Variants in ASNS observed in about 807,000 individuals in gnomAD.
ASNS encodes the protein asparagine synthetase (glutamine-hydrolyzing), also known as asparagine synthetase [glutamine-hydrolyzing].
ASNS carries 37 observed loss-of-function variants against 62.6 expected under a neutral mutation model. That is an observed-to-expected ratio of 0.59 (90% CI 0.45 to 0.78). The LOEUF is 0.78. Ranked by LOEUF, ASNS falls within the 30% of genes least tolerant of loss-of-function variation. ASNS has a pLI of 0.00. For missense variants in ASNS, 520 were observed against 682.4 expected, an observed-to-expected ratio of 0.76 and a Z score of 2.65; for synonymous variants, 207 against 237.9, an observed-to-expected ratio of 0.87 and a Z score of 1.19.
At chr7:97,870,229 T>C in intron 1 of ASNS, 1 of 932,490 alleles carries the variant, frequency 1.1e-6, no homozygotes, top group Non-Finnish European at 1.5e-6. Context: ...GTCTGAGTGC[T>C]ACGAAGATTG....
chr7:97,889,927 C>CAAAAAAA, the ASNS span, among the ~76,000 whole-genome samples: 27 of 38,568 alleles, frequency 7.0e-4, no homozygotes, highest in South Asian at 1.6e-3. Context: ...ATAATGAATA[C>CAAAAAAA]AAAAAAAAAA....
chr7:97,858,264 A>C lies in ASNS; in HGVS notation c.903+14T>G, dbSNP rs1333559909. On this transcript the variant is annotated intron_variant, in intron 7 of 12. Coordinates refer to ENST00000394308, the MANE Select transcript of ASNS (RefSeq NM_001673.5). ...TCTAACTACACTACACAAGGGACAGAGACAGCACCTTACCTTTCTAGCAGC... is the reference window on the plus strand; with the variant it reads ...TCTAACTACACTACACAAGGGACAGCGACAGCACCTTACCTTTCTAGCAGC... 1.2e-6 allele frequency: 2 copies of C among 1,612,314 alleles called. No individual in the cohort carries two copies. The highest frequency in any genetic ancestry group is 1.1e-5 in the South Asian group (1 of 90,976).
chr7:97,920,585 G>A, the ASNS span, among the ~76,000 whole-genome samples: 5 of 152,224 alleles, frequency 3.3e-5, no homozygotes, highest in Non-Finnish European at 5.9e-5. Context: ...TCCAGCTGGG[G>A]CCAAATAGAA....
chr7:97,853,674 A>G (rs1426383166), intron 10 of ASNS, among the ~76,000 whole-genome samples: 1 of 152,232 alleles, frequency 6.6e-6, no homozygotes, highest in Non-Finnish European at 1.5e-5. Context: ...CAAAAAGCAG[A>G]AAAAGTTACA....
chr7:97,911,718 C>T, the ASNS span, among the ~76,000 whole-genome samples: 2 of 152,138 alleles, frequency 1.3e-5, no homozygotes, highest in Non-Finnish European at 2.9e-5. Flanking sequence ...CATCTCCTGG[C>T]TTGGTGCAGA....
At chr7:97,891,364 C>A in the ASNS span, among the ~76,000 whole-genome samples, 1 of 148,868 alleles carries the variant, frequency 6.7e-6, no homozygotes, top group Non-Finnish European at 1.5e-5. Flanking sequence ...GGTGGGGACA[C>A]AACCAAACTG....
chr7:97,885,123 T>G, the ASNS span, among the ~76,000 whole-genome samples: 1 of 152,266 alleles, frequency 6.6e-6, no homozygotes, highest in African/African-American at 2.4e-5. Context: ...GGACATTTCA[T>G]ATAAATGACA....
At chr7:97,868,769 T>A in intron 3 of ASNS, 139 bp downstream of exon 3, 1 of 1,260,708 alleles carries the variant, frequency 7.9e-7, no homozygotes, top group South Asian at 1.5e-5. Context: ...GTTCCCTATT[T>A]ACATACTTAG....
chr7:97,863,822 A>C (rs4729388), intron 4 of ASNS: 50,428 of 155,684 alleles, frequency 0.32, 10,515 homozygotes, highest in African/African-American at 0.59. Flanking sequence ...GAATATACTA[A>C]AAACCACTGA....
chr7:97,911,318 C>T, the ASNS span, among the ~76,000 whole-genome samples: 11 of 152,202 alleles, frequency 7.2e-5, 1 homozygote, highest in Middle Eastern at 0.01. Flanking sequence ...TTATGTTTAT[C>T]GAAAAGTTTT....
the ASNS span, among the ~76,000 whole-genome samples, chr7:97,895,937 A>G: frequency 6.6e-6 from 1 of 152,058 alleles, no homozygotes; most frequent in South Asian, 2.1e-4. Flanking sequence ...AATTCTATTT[A>G]CAATAGCTAC....
chr7:97,856,651 A>T (rs757428830), intron 8 of ASNS, 39 bp downstream of exon 8: 2 of 1,493,322 alleles, frequency 1.3e-6, no homozygotes, highest in East Asian at 4.6e-5. Flanking sequence ...TTTCAGTATT[A>T]AAAAAAGCTT....
At chr7:97,915,943 C>T in the ASNS span, among the ~76,000 whole-genome samples, 7 of 152,078 alleles carry the variant, frequency 4.6e-5, no homozygotes, top group Non-Finnish European at 7.3e-5. Flanking sequence ...GTGGTATTTC[C>T]CATGTGAGGC....
the ASNS span, among the ~76,000 whole-genome samples, chr7:97,887,464 T>A: frequency 6.6e-6 from 1 of 152,156 alleles, no homozygotes; most frequent in African/African-American, 2.4e-5. Context: ...AGAATCGGAG[T>A]ATATTTCTCC....
rs371278355 is a variant in ASNS, at chr7:97,852,219, C to T, written c.*40G>A. On this transcript the variant is annotated 3_prime_UTR_variant, in exon 13 of 13. Transcript: ENST00000394308. ...ATCTACCCACAGTCCCCATCCAACACGAAGAAATATTTGCTTTCACATTAC... is the reference window on the plus strand; with the variant it reads ...ATCTACCCACAGTCCCCATCCAACATGAAGAAATATTTGCTTTCACATTAC... 117 of 1,604,078 alleles carry T rather than the reference C, an allele frequency of 7.3e-5. No homozygotes were observed. The highest frequency in any genetic ancestry group is 1.7e-4 in the Middle Eastern group (1 of 5,798).
At chr7:97,889,927 CAA>C in the ASNS span, among the ~76,000 whole-genome samples, 3,434 of 38,726 alleles carry the variant, frequency 0.089, 23 homozygotes, top group Non-Finnish European at 0.11. Flanking sequence ...ATAATGAATA[CAA>C]AAAAAAAAAA....
chr7:97,881,821 C>G, the ASNS span, among the ~76,000 whole-genome samples: 1 of 152,206 alleles, frequency 6.6e-6, no homozygotes, highest in Non-Finnish European at 1.5e-5. Context: ...TTTGTGGATG[C>G]CTAGCAGGGG....
intron 8 of ASNS, among the ~76,000 whole-genome samples, chr7:97,856,004 A>T (rs1450888053): frequency 6.6e-6 from 1 of 152,146 alleles, no homozygotes; most frequent in Non-Finnish European, 1.5e-5. Context: ...TCAGCTAGAG[A>T]GCCTTTTTAG....
the ASNS span, among the ~76,000 whole-genome samples, chr7:97,912,450 G>A: frequency 6.6e-6 from 1 of 151,708 alleles, no homozygotes; most frequent in Admixed American, 6.6e-5. Context: ...ACAGGGAGAC[G>A]AGAGTCCTGG....
Sources: allele counts gnomAD v4.1 joint callset (sites outside exome capture counted in the v4.1 genomes callset), GRCh38; gene constraint gnomAD v4.1.1; transcripts MANE v1.5; gene names NCBI Gene and HGNC (gene_info 2026-07-23, HGNC 2026-07-21).